The following AKAP7 variants were observed in gnomAD, a reference collection of about 807,000 sequenced individuals.
The protein encoded by AKAP7 is A-kinase anchoring protein 7, also known as A kinase (PRKA) anchor protein 7.
A neutral mutation model predicts 39.5 loss-of-function variants in AKAP7; 39 were observed. The observed-to-expected ratio is 0.99, with a 90% CI of 0.76 to 1.29. AKAP7 has a LOEUF of 1.29. Ranked by LOEUF, AKAP7 falls within the 50% of genes most tolerant of loss-of-function variation. The pLI, the probability that AKAP7 is intolerant of heterozygous loss-of-function variation, is 0.00. For missense variants in AKAP7, 414 were observed against 407.7 expected (o/e 1.02, Z -0.13); for synonymous variants, 140 against 139.1 (o/e 1.01, Z -0.05).
rs79697220 is a variant in AKAP7 at position 131,256,551 on chromosome 6, T to A, written c.851-24979T>A. Among the ~76,000 whole-genome samples, 27 of 152,244 alleles carry A rather than the reference T, an allele frequency of 1.8e-4. No homozygotes were observed. In the East Asian group the frequency reaches 5.2e-3, roughly 29 times the overall value. ...CCCCCAGTAGAGCCATTGACTGCCA[T>A]GAGCTGTATCCAAAAGCCCTGTCCT... On this transcript the variant is annotated intron_variant, in intron 7 of 7. Transcript: ENST00000431975.
chr6:131,235,325 G>A (rs2128308584), intron 7 of AKAP7, among the ~76,000 whole-genome samples: 1 of 152,314 alleles, frequency 6.6e-6, no homozygotes, highest in South Asian at 2.1e-4. Context: ...CATTTGGGTT[G>A]GTTCCAAGTC....
In AKAP7 at chr6:131,281,872, T is replaced by C; in HGVS notation, c.*146T>C. On this transcript the variant is annotated 3_prime_UTR_variant, in exon 8 of 8. Transcript: ENST00000431975. This position sits in a 1 kb window ranked among gnomAD's most constrained non-coding sequence, Gnocchi z 4.0. ...TGCCTAATACTTTTCATGATCGATG[T>C]GTTCGCATTGCTGAAACACAACAGA... 1 of 1,278,770 alleles carries C rather than the reference T, an allele frequency of 7.8e-7. No homozygotes were observed. The highest frequency in any genetic ancestry group is 9.9e-7 in the Non-Finnish European group (1 of 1,008,142). 79.2% of individuals were successfully genotyped at this position (1,278,770 alleles called of 1,614,324 possible).
chr6:131,126,936 T>A, the AKAP7 span, among the ~76,000 whole-genome samples: 1 of 152,132 alleles, frequency 6.6e-6, no homozygotes, highest in Non-Finnish European at 1.5e-5. Flanking sequence ...ATGAGCATAG[T>A]TTAGTTTGTG....
At position 131,272,362 on chromosome 6, in the gene AKAP7, A is replaced by G. The variant is rs1386603768; in HGVS notation, c.851-9168A>G. On this transcript the variant is annotated intron_variant, in intron 7 of 7. Transcript: ENST00000431975. ...GTTCTCTACTGTTTATCTGTTTTCTATTTCATTCTCCTACTATTTTTATTG... is the reference window on the plus strand; with the variant it reads ...GTTCTCTACTGTTTATCTGTTTTCTGTTTCATTCTCCTACTATTTTTATTG... Among the ~76,000 whole-genome samples the G allele has an allele frequency of 7.9e-5, 12 of 151,388 alleles. No individual in the cohort carries two copies. In the East Asian group the frequency reaches 2.1e-3, roughly 27 times the overall value.
chr6:131,206,131 A>AG (rs1808075024), intron 6 of AKAP7, among the ~76,000 whole-genome samples: 1 of 152,234 alleles, frequency 6.6e-6, no homozygotes, highest in Admixed American at 6.5e-5. Flanking sequence ...CAAAAAATAA[A>AG]TGTGATAACA....
intron 2 of AKAP7, among the ~76,000 whole-genome samples, chr6:131,151,093 A>T (rs1260350041): frequency 1.3e-5 from 2 of 151,704 alleles, no homozygotes; most frequent in Non-Finnish European, 2.9e-5. Context: ...CCCAGGCTGG[A>T]GTGTAGTGGT....
intron 7 of AKAP7, among the ~76,000 whole-genome samples, chr6:131,261,199 ACT>A (rs980804083): frequency 7.0e-5 from 10 of 143,106 alleles, no homozygotes; most frequent in African/African-American, 2.4e-4. Context: ...CAAGAGCAAA[ACT>A]CTGTCTCCAA....
Position 131,145,333 on chromosome 6 carries a change from T to G in AKAP7, c.68T>G (p.Met23Arg). 6.4e-7 allele frequency: 1 copy of G among 1,566,202 alleles called. No individual in the cohort carries two copies. The highest frequency in any genetic ancestry group is 1.4e-5 in the African/African-American group (1 of 73,774). ...GAAAATGTATCAAGAAAAAAGAAAA[T>G]GTCAGAGGAATTTGAAGCCAATACT... ...ECENVSRKKK[M>R]SEEFEANTMD... The change falls in exon 2 of 8, where the codon ATG (methionine) becomes AGG (arginine). Residue 23 changes from methionine to arginine, a missense_variant. Met to Arg is a moderately conservative substitution (Grantham distance 91). Transcript: ENST00000431975.
At chr6:131,231,331 T>C (rs1406762421) in intron 7 of AKAP7, among the ~76,000 whole-genome samples, 1 of 152,164 alleles carries the variant, frequency 6.6e-6, no homozygotes, top group Non-Finnish European at 1.5e-5. Flanking sequence ...GGAATGTCTC[T>C]TGTATGATAG....
intron 7 of AKAP7, among the ~76,000 whole-genome samples, chr6:131,254,572 T>C (rs1812699404): frequency 6.6e-6 from 1 of 152,228 alleles, no homozygotes; most frequent in Non-Finnish European, 1.5e-5. Context: ...TGCTTTTATG[T>C]AGAATTAAAT....
At chr6:131,144,904 T>A (rs185416581) in intron 1 of AKAP7, among the ~76,000 whole-genome samples, 17 of 152,282 alleles carry the variant, frequency 1.1e-4, no homozygotes, top group Admixed American at 1.1e-3. Flanking sequence ...AACACATAAG[T>A]GATATTGCTA....
intron 7 of AKAP7, among the ~76,000 whole-genome samples, chr6:131,227,073 G>C (rs1810231753): frequency 6.6e-6 from 1 of 152,170 alleles, no homozygotes; most frequent in Non-Finnish European, 1.5e-5. Context: ...GGACACAGTG[G>C]AAGCTTATAA....
intron 5 of AKAP7, among the ~76,000 whole-genome samples, chr6:131,183,819 G>A (rs1197459224): frequency 6.6e-6 from 1 of 152,100 alleles, no homozygotes; most frequent in Non-Finnish European, 1.5e-5. Context: ...CTGGAGGAAG[G>A]AGGTGAGGCT....
intron 2 of AKAP7, among the ~76,000 whole-genome samples, chr6:131,155,820 A>G (rs1349543760): frequency 2.0e-5 from 3 of 152,150 alleles, no homozygotes; most frequent in African/African-American, 7.2e-5. Context: ...TGGTGCCCAA[A>G]TTGTCCCATC....
intron 2 of AKAP7, among the ~76,000 whole-genome samples, chr6:131,153,764 C>T (rs1346720319): frequency 2.0e-5 from 3 of 152,066 alleles, no homozygotes; most frequent in Admixed American, 1.3e-4. Context: ...TATATCTTAT[C>T]TTCACAGTAA....
In AKAP7 at chr6:131,193,722, AT is replaced by A. The variant is rs376170917; in HGVS notation, c.590-5738del. Among the ~76,000 whole-genome samples the A allele has an allele frequency of 2.3e-3, 356 of 152,072 alleles. 2 individuals carry two copies. The highest frequency in any genetic ancestry group is 7.9e-3 in the African/African-American group (330 of 41,540). ...TGGGAGATGTTTTATTATGACGTTT[AT>A]CTCATTTGTTATTGGTCTGTTCAGG... On this transcript the variant is annotated intron_variant, in intron 5 of 7. Transcript: ENST00000431975.
intron 7 of AKAP7, among the ~76,000 whole-genome samples, chr6:131,240,464 G>A (rs1811443327): frequency 6.6e-6 from 1 of 152,220 alleles, no homozygotes; most frequent in East Asian, 1.9e-4. Flanking sequence ...GTCTGCAGAG[G>A]TTTCTGCTGC....
At chr6:131,191,677 C>A (rs561151900) in intron 5 of AKAP7, among the ~76,000 whole-genome samples, 1 of 152,194 alleles carries the variant, frequency 6.6e-6, no homozygotes, top group South Asian at 2.1e-4. Context: ...TACTACCAGT[C>A]CAAGGCCAGT....
chr6:131,169,235 C>A lies in AKAP7; in HGVS notation c.551C>A (p.Ala184Glu), dbSNP rs559833404. Residue 184 changes from alanine (A) to glutamate (E), a missense_variant, in exon 5 of 8, where the codon GCA (alanine) becomes GAA (glutamate). Physicochemically the swap from Ala to Glu is moderately radical, Grantham distance 107 (BLOSUM62 -1). Transcript: ENST00000431975. ...FGNQVGFVKL[A>E]EGDHVNSLLE... is the part of the protein sequence containing the mutation. ...AATCAGGTTGGATTTGTGAAGCTGG[C>A]AGAAGGAGATCATGTAAACTCACTT... The A allele has an allele frequency of 2.5e-6, 4 of 1,614,010 alleles. No individual in the cohort carries two copies. Among genetic ancestry groups the A allele is most frequent in the South Asian group, 2.2e-5 (2 of 91,070 alleles).
Sources: allele counts gnomAD v4.1 joint callset (sites outside exome capture counted in the v4.1 genomes callset), GRCh38; gene constraint gnomAD v4.1.1; non-coding constraint Gnocchi (gnomAD v3.1); transcripts MANE v1.5; gene names NCBI Gene and HGNC (gene_info 2026-07-23, HGNC 2026-07-21).